SLC4A4: variants seen among roughly 807,000 people sequenced by gnomAD.
SLC4A4 encodes the protein solute carrier family 4 member 4.
In SLC4A4, 27 loss-of-function variants were observed where a neutral mutation model predicts 111.5. That is an observed-to-expected ratio of 0.24 (90% CI 0.18 to 0.33). SLC4A4 has a LOEUF of 0.33. Ranked by LOEUF, SLC4A4 falls within the 10% of genes least tolerant of loss-of-function variation. SLC4A4 has a pLI of 1.00. For synonymous variants in SLC4A4, 443 were observed against 463.4 expected (o/e 0.96, Z 0.57); for missense variants, 909 against 1,315.5 (o/e 0.69, Z 4.78).
chr4:71,210,034 C>T (rs536752208), intron 1 of SLC4A4, among the ~76,000 whole-genome samples: 1 of 152,308 alleles, frequency 6.6e-6, no homozygotes, highest in South Asian at 2.1e-4. Context: ...TTGCTTTTCA[C>T]CTTAGTTGCC....
chr4:71,448,276 C>T (rs1577929114), intron 9 of SLC4A4, among the ~76,000 whole-genome samples: 1 of 146,220 alleles, frequency 6.8e-6, no homozygotes, highest in African/African-American at 2.5e-5. Flanking sequence ...GCTGAGATCA[C>T]GCCACTGCAC....
intron 2 of SLC4A4, among the ~76,000 whole-genome samples, chr4:71,133,990 T>C (rs1578511032): frequency 1.3e-5 from 2 of 152,124 alleles, no homozygotes; most frequent in Admixed American, 1.3e-4. Flanking sequence ...TGCTCCTGGC[T>C]TGCAAACAGA....
At chr4:71,218,721 A>G (rs1362163291) in intron 1 of SLC4A4, among the ~76,000 whole-genome samples, 2 of 152,210 alleles carry the variant, frequency 1.3e-5, no homozygotes, top group African/African-American at 4.8e-5. Flanking sequence ...AAGGGGGATG[A>G]TAATAGTAGC....
rs1005885360 is a variant in SLC4A4, at chr4:71,195,204, T to C, written c.-2+7803T>C. ...AGATTTTCTTACCCAAAGACTGATGTTCTTTTCCTTTTTTCCTGTATTTGA... is the reference window on the plus strand; with the variant it reads ...AGATTTTCTTACCCAAAGACTGATGCTCTTTTCCTTTTTTCCTGTATTTGA... On this transcript the variant is annotated intron_variant, in intron 1 of 25. Coordinates refer to ENST00000264485, the MANE Select transcript of SLC4A4 (RefSeq NM_001098484.3). 3.3e-5 allele frequency among the ~76,000 whole-genome samples: 5 copies of C among 151,346 alleles called. No homozygotes were observed. In the East Asian group the frequency reaches 9.6e-4, roughly 29 times the overall value.
At chr4:71,301,139 G>C (rs1699325491) in intron 3 of SLC4A4, 6 of 348,462 alleles carry the variant, frequency 1.7e-5, no homozygotes, top group South Asian at 1.5e-4. Context: ...TGGGGGATGG[G>C]CACCACACGT....
intron 2 of SLC4A4, among the ~76,000 whole-genome samples, chr4:71,164,865 CA>C (rs1390912496): frequency 6.7e-6 from 1 of 149,876 alleles, no homozygotes; most frequent in Admixed American, 6.6e-5. Context: ...AAGAAAAAAA[CA>C]AAAAAACCAT....
chr4:71,517,215 C>G (rs1365184092), intron 16 of SLC4A4, among the ~76,000 whole-genome samples: 1 of 151,932 alleles, frequency 6.6e-6, no homozygotes, highest in African/African-American at 2.4e-5. Context: ...TCTTCTTGCT[C>G]TCCTATAACT....
At chr4:71,284,768 G>T (rs996672397) in intron 3 of SLC4A4, among the ~76,000 whole-genome samples, 6 of 152,012 alleles carry the variant, frequency 3.9e-5, no homozygotes, top group Non-Finnish European at 8.8e-5. Context: ...ATTTTGCTCC[G>T]CATTCTTTTC....
intron 19 of SLC4A4, among the ~76,000 whole-genome samples, chr4:71,546,971 TG>T (rs1255158712): frequency 6.6e-6 from 1 of 151,980 alleles, no homozygotes; most frequent in Non-Finnish European, 1.5e-5. Context: ...ACGTTCAATT[TG>T]GGTAGCTGTG....
At chr4:71,432,971 A>G (rs1249232798) in intron 7 of SLC4A4, among the ~76,000 whole-genome samples, 4 of 152,102 alleles carry the variant, frequency 2.6e-5, no homozygotes, top group South Asian at 2.1e-4. Flanking sequence ...GGATAAGTAT[A>G]TATCAGAAGT....
chr4:71,184,678 C>G (rs1470629046), upstream of SLC4A4, among the ~76,000 whole-genome samples: 1 of 152,096 alleles, frequency 6.6e-6, no homozygotes, highest in Non-Finnish European at 1.5e-5. Context: ...TTTCTTTGTG[C>G]TTATGAGAAT....
chr4:71,261,794 T>C (rs1176742221), intron 3 of SLC4A4, among the ~76,000 whole-genome samples: 3 of 152,222 alleles, frequency 2.0e-5, no homozygotes, highest in Admixed American at 2.0e-4. Context: ...CCATGAGATG[T>C]TATGAGTAGT....
At chr4:71,520,671 T>G (rs968285650) in intron 16 of SLC4A4, among the ~76,000 whole-genome samples, 6 of 152,220 alleles carry the variant, frequency 3.9e-5, no homozygotes, top group African/African-American at 1.4e-4. Context: ...CTTCTAGGCT[T>G]ATAGCAATGA....
chr4:71,156,350 A>G (rs1274452934), intron 2 of SLC4A4, among the ~76,000 whole-genome samples: 1 of 152,082 alleles, frequency 6.6e-6, no homozygotes, highest in African/African-American at 2.4e-5. Flanking sequence ...TATTATGCTG[A>G]TGCTTCACTC....
At chr4:71,390,822 A>G (rs1386493744) in intron 6 of SLC4A4, among the ~76,000 whole-genome samples, 1 of 152,164 alleles carries the variant, frequency 6.6e-6, no homozygotes, top group Non-Finnish European at 1.5e-5. Context: ...TATGAGATCC[A>G]TGTTTACATT....
intron 1 of SLC4A4, among the ~76,000 whole-genome samples, chr4:71,231,286 G>A (rs1204590678): frequency 6.6e-6 from 1 of 152,200 alleles, no homozygotes; most frequent in East Asian, 1.9e-4. Context: ...GAGCACGTTG[G>A]CAGTTGGCAT....
intron 6 of SLC4A4, among the ~76,000 whole-genome samples, chr4:71,388,253 G>A (rs920897204): frequency 1.4e-4 from 21 of 152,250 alleles, no homozygotes; most frequent in South Asian, 4.1e-4. Context: ...GTGTGTGTGC[G>A]TGTGTGGGTA....
At chr4:71,455,530 T>C (rs1420727703) in intron 12 of SLC4A4, among the ~76,000 whole-genome samples, 2 of 152,158 alleles carry the variant, frequency 1.3e-5, no homozygotes, top group African/African-American at 2.4e-5. Context: ...GGAAACACCC[T>C]ACGGCCAGCT....
intron 7 of SLC4A4, among the ~76,000 whole-genome samples, chr4:71,418,537 G>A (rs892488697): frequency 1.5e-4 from 23 of 152,166 alleles, no homozygotes; most frequent in African/African-American, 5.1e-4. Context: ...GGGCTATCAA[G>A]CAATAGCTCT....
Sources: gnomAD v4.1 joint callset for allele counts (sites outside exome capture counted in the v4.1 genomes callset) on GRCh38, gnomAD v4.1.1 for gene constraint, MANE v1.5 for transcripts, NCBI Gene and HGNC (gene_info 2026-07-23, HGNC 2026-07-21) for gene names.